SLC39A11: variants seen among roughly 807,000 people sequenced by gnomAD.
The protein encoded by SLC39A11 is solute carrier family 39 member 11.
A neutral mutation model predicts 36.1 loss-of-function variants in SLC39A11; 33 were observed. The observed-to-expected ratio is 0.91, with a 90% CI of 0.69 to 1.22. The LOEUF (loss-of-function observed/expected upper bound fraction) is 1.22, where lower values mean the gene tolerates loss of function less well. SLC39A11 is among the 50% of genes most tolerant of loss of function. The pLI is 0.00. For synonymous variants in SLC39A11, 166 were observed against 170.3 expected (o/e 0.97, Z 0.20); for missense variants, 432 against 430.3 (o/e 1.00, Z -0.03).
intron 6 of SLC39A11, among the ~76,000 whole-genome samples, chr17:72,806,694 C>T (rs755276887): frequency 7.2e-5 from 11 of 152,048 alleles, no homozygotes; most frequent in South Asian, 2.1e-4. Flanking sequence ...GTGATTCTCC[C>T]GCCTCAGCCT....
chr17:72,737,288 AT>A (rs546832665), intron 6 of SLC39A11, among the ~76,000 whole-genome samples: 5,858 of 146,810 alleles, frequency 0.04, 140 homozygotes, highest in African/African-American at 0.083. Context: ...AAAAAAAAAA[AT>A]AAAAATAAAT....
chr17:72,741,804 T>C (rs997705612), intron 6 of SLC39A11, among the ~76,000 whole-genome samples: 1 of 152,068 alleles, frequency 6.6e-6, no homozygotes, highest in African/African-American at 2.4e-5. Context: ...GGAATATATA[T>C]GATGAAAGCC....
At chr17:72,876,049 C>G (rs188905408) in intron 5 of SLC39A11, among the ~76,000 whole-genome samples, 49 of 152,160 alleles carry the variant, frequency 3.2e-4, no homozygotes, top group Admixed American at 1.5e-3. Flanking sequence ...AATATAACTG[C>G]AAAACTGCCC....
At chr17:72,712,323 C>G (rs993492440) in intron 7 of SLC39A11, among the ~76,000 whole-genome samples, 1 of 152,232 alleles carries the variant, frequency 6.6e-6, no homozygotes, top group African/African-American at 2.4e-5. Context: ...GGGGATAACA[C>G]AGTCAACCTT....
intron 4 of SLC39A11, among the ~76,000 whole-genome samples, chr17:73,018,092 C>G (rs1302012786): frequency 6.6e-6 from 1 of 152,208 alleles, no homozygotes; most frequent in Non-Finnish European, 1.5e-5. Flanking sequence ...AAAAGCTACT[C>G]TATACCCATC....
At chr17:72,721,162 T>C (rs1567984296) in intron 7 of SLC39A11, among the ~76,000 whole-genome samples, 1 of 150,428 alleles carries the variant, frequency 6.6e-6, no homozygotes, top group Non-Finnish European at 1.5e-5. Context: ...AGCAGCGCGA[T>C]CTCGGCTCAC....
intron 6 of SLC39A11, among the ~76,000 whole-genome samples, chr17:72,781,388 AT>A (rs1235697314): frequency 6.8e-6 from 1 of 147,638 alleles, no homozygotes; most frequent in Non-Finnish European, 1.5e-5. Context: ...CATTTCCATC[AT>A]TTTGTCTTAT....
chr17:72,776,243 C>A (rs886113232), intron 6 of SLC39A11, among the ~76,000 whole-genome samples: 3 of 152,208 alleles, frequency 2.0e-5, no homozygotes, highest in Non-Finnish European at 2.9e-5. Flanking sequence ...TTCCCCATCC[C>A]ATGACGGCAC....
At chr17:72,777,905 ATACT>A (rs368647133) in intron 6 of SLC39A11, among the ~76,000 whole-genome samples, 1,170 of 113,108 alleles carry the variant, frequency 0.01, 9 homozygotes, top group African/African-American at 0.029. Flanking sequence ...ATGTACGTAC[ATACT>A]TACTTACTTA....
At chr17:72,778,396 G>A (rs1253507694) in intron 6 of SLC39A11, among the ~76,000 whole-genome samples, 1 of 152,210 alleles carries the variant, frequency 6.6e-6, no homozygotes, top group Non-Finnish European at 1.5e-5. Context: ...CACAATCAGG[G>A]GAGCCAGCTA....
chr17:72,797,311 C>A (rs573980021), intron 6 of SLC39A11, among the ~76,000 whole-genome samples: 1 of 151,968 alleles, frequency 6.6e-6, no homozygotes, highest in Non-Finnish European at 1.5e-5. Context: ...CAATACGGAG[C>A]CTCTGCAGGG....
chr17:72,970,902 T>G (rs529338792), intron 4 of SLC39A11, among the ~76,000 whole-genome samples: 2 of 152,362 alleles, frequency 1.3e-5, no homozygotes, highest in African/African-American at 4.8e-5. Flanking sequence ...GCCTGGCTCA[T>G]GGGCTCCCTG....
At chr17:72,912,751 C>T (rs2083092744) in intron 5 of SLC39A11, among the ~76,000 whole-genome samples, 1 of 152,280 alleles carries the variant, frequency 6.6e-6, no homozygotes, top group Non-Finnish European at 1.5e-5. Flanking sequence ...CAAGGACAAG[C>T]TGACATGGAG....
At chr17:72,698,228 G>C (rs2072411758) in intron 7 of SLC39A11, among the ~76,000 whole-genome samples, 1 of 152,092 alleles carries the variant, frequency 6.6e-6, no homozygotes, top group African/African-American at 2.4e-5. Context: ...CCATTTTCTG[G>C]ATCTCTTTCC....
intron 3 of SLC39A11, among the ~76,000 whole-genome samples, 186 bp downstream of exon 3, chr17:73,084,622 A>G (rs77702743): frequency 0.018 from 2,687 of 152,228 alleles, 48 homozygotes; most frequent in Non-Finnish European, 0.023. Context: ...ATTGCTGTCT[A>G]AAGAGAAATG....
chr17:72,849,522 CAA>C, intron 6 of SLC39A11, 110 bp downstream of exon 6: 1 of 1,181,498 alleles, frequency 8.5e-7, no homozygotes, highest in Non-Finnish European at 1.1e-6. Context: ...CACTCCTCTC[CAA>C]AAAGGACCCA....
At chr17:72,857,249 C>T (rs2079694071) in intron 5 of SLC39A11, among the ~76,000 whole-genome samples, 2 of 152,116 alleles carry the variant, frequency 1.3e-5, no homozygotes. Flanking sequence ...GTTTTCTGTT[C>T]CTGCATTAGT....
At chr17:72,654,083 T>A (rs2069993711) in intron 7 of SLC39A11, among the ~76,000 whole-genome samples, 2 of 152,150 alleles carry the variant, frequency 1.3e-5, no homozygotes, top group African/African-American at 4.8e-5. Context: ...GTGGCCCTGC[T>A]TAGCCATCTT....
chr17:72,755,410 T>C (rs1041820811), intron 6 of SLC39A11, among the ~76,000 whole-genome samples: 1 of 152,190 alleles, frequency 6.6e-6, no homozygotes, highest in Non-Finnish European at 1.5e-5. Context: ...ACAGTGTCTT[T>C]AAAACCCACA....
Sources: gnomAD v4.1 joint callset for allele counts (sites outside exome capture counted in the v4.1 genomes callset) on GRCh38, gnomAD v4.1.1 for gene constraint, MANE v1.5 for transcripts, NCBI Gene and HGNC (gene_info 2026-07-23, HGNC 2026-07-21) for gene names.